PPP1R9A: variants seen among roughly 807,000 people sequenced by gnomAD.
The protein encoded by PPP1R9A is neurabin-1.
Under a neutral mutation model 141.9 loss-of-function variants are expected in PPP1R9A, and 59 were observed. The observed-to-expected ratio is 0.42, with a 90% CI of 0.34 to 0.52. The LOEUF is 0.52. PPP1R9A is among the 20% of genes least tolerant of loss of function. The pLI, the probability that PPP1R9A is intolerant of heterozygous loss-of-function variation, is 0.10. For synonymous variants in PPP1R9A, 500 were observed against 569.7 expected (o/e 0.88, Z 1.74); for missense variants, 1,444 against 1,611.9 (o/e 0.90, Z 1.78).
rs530576585 is a variant in PPP1R9A at position 95,257,945 on chromosome 7, T to A, written c.2665+5815T>A. 9.2e-3 allele frequency among the ~76,000 whole-genome samples: 1,399 copies of A among 152,300 alleles called. 20 individuals are homozygous for A. The highest frequency in any genetic ancestry group is 0.032 in the African/African-American group (1,348 of 41,542). On this transcript the variant is annotated intron_variant, in intron 12 of 19. Coordinates refer to ENST00000433360, the MANE Select transcript of PPP1R9A (RefSeq NM_001166160.2). ...TGGACATTTGGGTTGGTTCCAAGTCTTTGCTATTGTGAATAGTGCTGCAAT... is the reference window on the plus strand; with the variant it reads ...TGGACATTTGGGTTGGTTCCAAGTCATTGCTATTGTGAATAGTGCTGCAAT...
chr7:95,272,529 T>C (rs1802369170), intron 14 of PPP1R9A, among the ~76,000 whole-genome samples: 1 of 152,208 alleles, frequency 6.6e-6, no homozygotes, highest in Non-Finnish European at 1.5e-5. Flanking sequence ...TATTTCTGAC[T>C]CTTGTGTTTC....
intron 4 of PPP1R9A, among the ~76,000 whole-genome samples, chr7:95,144,831 C>A (rs1035370467): frequency 2.6e-5 from 4 of 152,096 alleles, no homozygotes; most frequent in Non-Finnish European, 5.9e-5. Context: ...AAAGAAAATG[C>A]TAAAGCATGC....
Position 95,222,020 on chromosome 7 carries a change from A to C in PPP1R9A, c.1957-3941A>C, listed in dbSNP as rs148389178. Among the ~76,000 whole-genome samples the C allele has an allele frequency of 7.1e-3, 1,075 of 152,174 alleles. 27 individuals carry two copies. The highest frequency in any genetic ancestry group is 0.04 in the Admixed American group (605 of 15,244). ...AGCGATTCCTCTCTGTATTGCAATTAACCCACAAGTACTGCTCCCGATTCT... is the reference window on the plus strand; with the variant it reads ...AGCGATTCCTCTCTGTATTGCAATTCACCCACAAGTACTGCTCCCGATTCT... On this transcript the variant is annotated intron_variant, in intron 7 of 19. Coordinates refer to ENST00000433360, the MANE Select transcript of PPP1R9A (RefSeq NM_001166160.2).
rs534495999 is a variant in PPP1R9A at position 95,050,638 on chromosome 7, A to G, written c.1396-60621A>G. 1.9e-3 allele frequency among the ~76,000 whole-genome samples: 293 copies of G among 152,284 alleles called. 2 individuals are homozygous for G. The highest frequency in any genetic ancestry group is 6.6e-3 in the African/African-American group (275 of 41,554). On this transcript the variant is annotated intron_variant, in intron 2 of 19. Transcript: ENST00000433360. ...GCTACATGGGAGGCGAGGCAGGAGA[A>G]TCGCTTGAACCTGGGAGGTGGAGGT... is the stretch of plus-strand genomic sequence containing the variant.
chr7:95,205,965 GA>G lies in PPP1R9A; in HGVS notation c.1956+2244del, dbSNP rs532847631. On this transcript the variant is annotated intron_variant, in intron 7 of 19. Transcript: ENST00000433360. The stretch of plus-strand genomic sequence containing the variant: ...CCACAATCTTCTTCATGTAAAACCA[GA>G]AAAAAAAACAAACGTGCATATTTTA... Among the ~76,000 whole-genome samples, 7 of 149,464 alleles carry G rather than the reference GA, an allele frequency of 4.7e-5. No homozygotes were observed. The South Asian group carries it at 1.3e-3, about 27-fold the overall frequency.
chr7:95,207,696 TATG>T (rs1277815915), intron 7 of PPP1R9A, among the ~76,000 whole-genome samples: 2 of 152,160 alleles, frequency 1.3e-5, no homozygotes, highest in East Asian at 3.8e-4. Flanking sequence ...GTTATTCACA[TATG>T]ATGAGATTGT....
At chr7:95,087,735 A>C (rs1432254558) in intron 2 of PPP1R9A, among the ~76,000 whole-genome samples, 1 of 151,910 alleles carries the variant, frequency 6.6e-6, no homozygotes, top group African/African-American at 2.4e-5. Flanking sequence ...TCTCTACTAA[A>C]ACTACAAAAA....
intron 2 of PPP1R9A, among the ~76,000 whole-genome samples, chr7:95,073,629 T>G (rs867785123): frequency 0.019 from 2,761 of 142,480 alleles, 25 homozygotes; most frequent in Non-Finnish European, 0.028. Context: ...AATAAGTTTT[T>G]TTTTTTTTTT....
At chr7:95,232,777 A>G (rs1374124575) in intron 8 of PPP1R9A, among the ~76,000 whole-genome samples, 2 of 152,252 alleles carry the variant, frequency 1.3e-5, no homozygotes, top group South Asian at 2.1e-4. Context: ...AAAGCTTATC[A>G]TCACTGGTCA....
At chr7:95,014,163 C>G (rs1804784841) in intron 2 of PPP1R9A, among the ~76,000 whole-genome samples, 1 of 151,946 alleles carries the variant, frequency 6.6e-6, no homozygotes, top group Non-Finnish European at 1.5e-5. Flanking sequence ...TAATCTGTAT[C>G]CTTTATTCAA....
chr7:95,287,802 C>T (rs1454414238), intron 18 of PPP1R9A, among the ~76,000 whole-genome samples: 3 of 152,214 alleles, frequency 2.0e-5, no homozygotes, highest in Non-Finnish European at 2.9e-5. Context: ...TCTCCTGCCT[C>T]AGCCTCTCGA....
At chr7:94,951,094 A>G (rs1017312826) in intron 2 of PPP1R9A, among the ~76,000 whole-genome samples, 1 of 152,122 alleles carries the variant, frequency 6.6e-6, no homozygotes, top group African/African-American at 2.4e-5. Flanking sequence ...CTTTCTTAGA[A>G]CTTCTGAGTT....
intron 2 of PPP1R9A, among the ~76,000 whole-genome samples, chr7:95,106,068 A>AT (rs1403755878): frequency 6.6e-6 from 1 of 152,152 alleles, no homozygotes; most frequent in African/African-American, 2.4e-5. Context: ...CAGCCTGTGC[A>AT]ATATGGTGAG....
intron 7 of PPP1R9A, among the ~76,000 whole-genome samples, chr7:95,213,663 T>G (rs2152920973): frequency 6.6e-6 from 1 of 152,246 alleles, no homozygotes; most frequent in South Asian, 2.1e-4. Flanking sequence ...CGCATTCTTC[T>G]GGCAGTTCCA....
intron 8 of PPP1R9A, among the ~76,000 whole-genome samples, chr7:95,246,750 C>G (rs1342107883): frequency 6.6e-6 from 1 of 152,064 alleles, no homozygotes; most frequent in Non-Finnish European, 1.5e-5. Flanking sequence ...ACGAATGATT[C>G]GTTCAGTTCC....
chr7:95,243,455 G>A (rs1797730447), intron 8 of PPP1R9A, among the ~76,000 whole-genome samples: 1 of 152,112 alleles, frequency 6.6e-6, no homozygotes, highest in African/African-American at 2.4e-5. Flanking sequence ...AATAATAACA[G>A]CAGCTGATTG....
rs556324171 is a variant in PPP1R9A, at chr7:94,975,222, G to C, written c.1395+63714G>C. Among the ~76,000 whole-genome samples the C allele has an allele frequency of 2.0e-5, 3 of 152,136 alleles. No homozygotes were observed. In the South Asian group the frequency reaches 6.2e-4, roughly 32 times the overall value. On this transcript the variant is annotated intron_variant, in intron 2 of 19. Transcript: ENST00000433360. ...AATTGATATGAATCACTGTGATAAAGGAAGTTTACTCTAGTTTATTCATAG... is the reference window on the plus strand; with the variant it reads ...AATTGATATGAATCACTGTGATAAACGAAGTTTACTCTAGTTTATTCATAG...
At chr7:95,167,271 C>T (rs1015423090) in intron 5 of PPP1R9A, among the ~76,000 whole-genome samples, 2 of 152,132 alleles carry the variant, frequency 1.3e-5, no homozygotes, top group Non-Finnish European at 1.5e-5. Flanking sequence ...AAGAACAGCA[C>T]AGGAAAGACC....
At chr7:95,167,008 A>C (rs1265727929) in intron 5 of PPP1R9A, among the ~76,000 whole-genome samples, 3 of 152,126 alleles carry the variant, frequency 2.0e-5, no homozygotes, top group African/African-American at 7.2e-5. Flanking sequence ...TAGAAGGAAA[A>C]AACCTGTATT....
Sources: allele counts gnomAD v4.1 joint callset (sites outside exome capture counted in the v4.1 genomes callset), GRCh38; gene constraint gnomAD v4.1.1; transcripts MANE v1.5; gene names NCBI Gene and HGNC (gene_info 2026-07-23, HGNC 2026-07-21).